Variants in CREBRF observed in about 807,000 individuals in gnomAD.
CREBRF encodes the protein CREB3 regulatory factor.
In CREBRF, 5 loss-of-function variants were observed where a neutral mutation model predicts 66.1. The ratio of observed to expected loss-of-function variants is 0.08; its 90% CI spans 0.04 to 0.16. The LOEUF (loss-of-function observed/expected upper bound fraction) is 0.16. CREBRF is among the 10% of genes least tolerant of loss of function. The pLI is 1.00. For missense variants in CREBRF, 531 were observed against 744.9 expected, an observed-to-expected ratio of 0.71 and a Z score of 3.34; for synonymous variants, 229 against 264.4, an observed-to-expected ratio of 0.87 and a Z score of 1.30.
intron 7 of CREBRF, among the ~76,000 whole-genome samples, chr5:173,120,146 C>T (rs1342037990): frequency 6.6e-6 from 1 of 151,902 alleles, no homozygotes; most frequent in East Asian, 1.9e-4. Flanking sequence ...GGTTTTAGTA[C>T]CAGGGCTATA....
At chr5:173,072,433 G>A (rs548500659) in intron 1 of CREBRF, among the ~76,000 whole-genome samples, 11 of 152,058 alleles carry the variant, frequency 7.2e-5, no homozygotes, top group African/African-American at 2.4e-4. Flanking sequence ...TGGCCACCAC[G>A]CCCGGCTAAT....
At chr5:173,121,263 A>G (rs1194887096) in intron 7 of CREBRF, among the ~76,000 whole-genome samples, 1 of 149,548 alleles carries the variant, frequency 6.7e-6, no homozygotes, top group Non-Finnish European at 1.5e-5. Flanking sequence ...CTTATTGTAT[A>G]TTTTCTGTTA....
intron 2 of CREBRF, 159 bp downstream of exon 2, chr5:173,080,943 A>G (rs553261702): frequency 2.3e-5 from 5 of 215,372 alleles, no homozygotes; most frequent in East Asian, 3.6e-4. Context: ...TCTTCCTTCC[A>G]TTGGCTTCTA....
In CREBRF at chr5:173,132,135, G is replaced by C. The variant is rs556245819; in HGVS notation, c.1805-1495G>C. On this transcript the variant is annotated intron_variant, in intron 8 of 8. Coordinates refer to ENST00000296953, the MANE Select transcript of CREBRF (RefSeq NM_153607.3). ...AGTTTCACTCTTGTTGCCCAGGCTG[G>C]AGTGCGGTGGCACAATCTTGACTCA... 1.5e-4 allele frequency among the ~76,000 whole-genome samples: 22 copies of C among 148,128 alleles called. 2 individuals carry two copies. The South Asian group carries it at 4.7e-3, about 32-fold the overall frequency.
At chr5:173,064,102 T>G (rs1002139824) in intron 1 of CREBRF, among the ~76,000 whole-genome samples, 1 of 152,182 alleles carries the variant, frequency 6.6e-6, no homozygotes, top group Non-Finnish European at 1.5e-5. Flanking sequence ...AGATTCTTGT[T>G]GTACATATGT....
intron 8 of CREBRF, among the ~76,000 whole-genome samples, chr5:173,131,745 T>C (rs1053545665): frequency 1.3e-5 from 2 of 151,924 alleles, no homozygotes; most frequent in Admixed American, 6.6e-5. Context: ...TTTTTGTTTG[T>C]TTTTGGAGAC....
chr5:173,063,554 A>C (rs576690834), intron 1 of CREBRF, among the ~76,000 whole-genome samples: 1 of 152,124 alleles, frequency 6.6e-6, no homozygotes, highest in South Asian at 2.1e-4. Flanking sequence ...TTTTTAGTAG[A>C]GGTGGGGTTT....
At chr5:173,078,393 G>A (rs2113701665) in intron 1 of CREBRF, among the ~76,000 whole-genome samples, 1 of 151,478 alleles carries the variant, frequency 6.6e-6, no homozygotes, top group South Asian at 2.1e-4. Context: ...AGAGCTGCAG[G>A]GATTCTGGCC....
At chr5:173,131,627 A>G (rs188764174) in intron 8 of CREBRF, among the ~76,000 whole-genome samples, 2 of 152,302 alleles carry the variant, frequency 1.3e-5, no homozygotes, top group Admixed American at 1.3e-4. Flanking sequence ...CAAGAGGCAC[A>G]TAATATCAGA....
intron 1 of CREBRF, among the ~76,000 whole-genome samples, chr5:173,073,749 C>T (rs1333840805): frequency 1.3e-5 from 2 of 152,088 alleles, no homozygotes; most frequent in Non-Finnish European, 2.9e-5. Context: ...GGGCGGATCA[C>T]GAGGTCAGGA....
intron 4 of CREBRF, among the ~76,000 whole-genome samples, chr5:173,096,159 CG>C (rs756321653): frequency 1.1e-3 from 172 of 151,918 alleles, no homozygotes; most frequent in Non-Finnish European, 2.1e-3. Context: ...TTAGTAGAGG[CG>C]GGGTTTCACT....
intron 8 of CREBRF, 155 bp downstream of exon 8, chr5:173,123,357 A>G (rs558167128): frequency 8.0e-6 from 5 of 622,520 alleles, no homozygotes; most frequent in Non-Finnish European, 1.3e-5. Flanking sequence ...TTTGAGATTT[A>G]GTGTTCATAA....
rs910286951 is a variant in CREBRF, at chr5:173,123,100, A to C, written c.1702A>C (p.Asn568His). Residue 568 changes from asparagine (N) to histidine (H), a missense_variant, in exon 8 of 9, where the codon AAC becomes CAC. Physicochemically the swap from Asn to His is moderately conservative, Grantham distance 68 (BLOSUM62 1). Coordinates refer to ENST00000296953, the MANE Select transcript of CREBRF (RefSeq NM_153607.3). ...TACAGATAATTTATTGTTTGTAATC[A>C]ACTCCATCAAGCAAGAGATTGTAAA... ...TEYDNLLFVINSIKQEIVNRV... is the reference protein window; with the variant it reads ...TEYDNLLFVIHSIKQEIVNRV... The C allele has an allele frequency of 6.2e-7, 1 of 1,601,422 alleles. No individual in the cohort carries two copies.
chr5:173,075,714 C>T (rs767868022), intron 1 of CREBRF, among the ~76,000 whole-genome samples: 1 of 152,002 alleles, frequency 6.6e-6, no homozygotes, highest in Non-Finnish European at 1.5e-5. Flanking sequence ...TTCCTGCCTC[C>T]CTGTTTCGTT....
chr5:173,071,517 TG>T, intron 1 of CREBRF, among the ~76,000 whole-genome samples: 1 of 151,756 alleles, frequency 6.6e-6, no homozygotes, highest in Non-Finnish European at 1.5e-5. Context: ...GCCTTGTTTT[TG>T]TTTTTTTAAG....
In CREBRF at chr5:173,134,285, TATATAC is replaced by T. The variant is rs997877760; in HGVS notation, c.*542_*547del. The T allele has an allele frequency of 5.5e-5, 9 of 162,376 alleles. No individual in the cohort carries two copies. Among genetic ancestry groups the T allele is most frequent in the Non-Finnish European group, 8.4e-5 (7 of 83,020 alleles). 10.1% of individuals were successfully genotyped at this position (162,376 alleles called of 1,614,324 possible). A position where few individuals can be genotyped will look rare whatever the true frequency, so the allele number is the denominator to read the frequency against. ...ATATAAATATATATATATATATATA[TATATAC>T]ACACACACACACAAATGTCTGTGCA... On this transcript the variant is annotated 3_prime_UTR_variant, in exon 9 of 9. Transcript: ENST00000296953.
chr5:173,130,865 T>A (rs1486817371), intron 8 of CREBRF, among the ~76,000 whole-genome samples: 1 of 152,072 alleles, frequency 6.6e-6, no homozygotes, highest in African/African-American at 2.4e-5. Context: ...CCACCATGCC[T>A]GGCTAATGTT....
chr5:173,121,534 G>A (rs538025523), intron 7 of CREBRF, among the ~76,000 whole-genome samples: 1 of 152,008 alleles, frequency 6.6e-6, no homozygotes, highest in Non-Finnish European at 1.5e-5. Flanking sequence ...GTGTTAGCCA[G>A]GTTGGTCTCT....
chr5:173,066,682 C>T (rs1476090934), intron 1 of CREBRF, among the ~76,000 whole-genome samples: 2 of 151,854 alleles, frequency 1.3e-5, no homozygotes, highest in African/African-American at 4.8e-5. Context: ...CTTTGTATCA[C>T]TATTGTTTTG....
Sources: allele counts gnomAD v4.1 joint callset (sites outside exome capture counted in the v4.1 genomes callset), GRCh38; gene constraint gnomAD v4.1.1; transcripts MANE v1.5; gene names NCBI Gene and HGNC (gene_info 2026-07-23, HGNC 2026-07-21).